Variants in RASGRF2 observed in about 807,000 individuals in gnomAD.
RASGRF2 encodes the protein Ras protein specific guanine nucleotide releasing factor 2, also known as ras-specific guanine nucleotide-releasing factor 2.
Under a neutral mutation model 151.0 loss-of-function variants are expected in RASGRF2, and 76 were observed. That is an observed-to-expected ratio of 0.50 (90% CI 0.42 to 0.61). The LOEUF is 0.61. Among genes scored for constraint, RASGRF2 ranks in the 20% least tolerant of loss-of-function variants. The probability of loss-of-function intolerance (pLI) is 0.00; values close to 1 mark genes in which losing one functional copy is unlikely to be tolerated. For synonymous variants in RASGRF2, 504 were observed against 566.5 expected (o/e 0.89, Z 1.57); for missense variants, 1,148 against 1,564.6 (o/e 0.73, Z 4.49).
At chr5:81,152,449 A>G (rs1287579015) in intron 17 of RASGRF2, among the ~76,000 whole-genome samples, 1 of 152,212 alleles carries the variant, frequency 6.6e-6, no homozygotes, top group Non-Finnish European at 1.5e-5. Context: ...AGAAAGAAGG[A>G]TATACAAATT....
chr5:81,092,833 G>A lies in RASGRF2; in HGVS notation c.1423G>A (p.Gly475Arg). The A allele has an allele frequency of 6.2e-7, 1 of 1,613,532 alleles. No individual in the cohort carries two copies. The highest frequency in any genetic ancestry group is 8.5e-7 in the Non-Finnish European group (1 of 1,179,608). Residue 475 changes from glycine (G) to arginine (R), a missense_variant, in exon 10 of 27, where the codon GGG becomes AGG. Physicochemically the swap from Gly to Arg is moderately radical, Grantham distance 125. This residue lies in a region of RASGRF2 where 646 missense variants were observed against 807.4 expected (regional missense o/e 0.80). Transcript: ENST00000265080. ...TATTCAAGTACCTTCCGTTGAGAGG[G>A]GGAAACTTAGTAAAGTTCGCCTGGG... ...SLIQVPSVERGKLSKVRLGSL... is the reference protein window; with the variant it reads ...SLIQVPSVERRKLSKVRLGSL...
At chr5:81,001,333 G>C (rs904504547) in intron 1 of RASGRF2, among the ~76,000 whole-genome samples, 3 of 152,130 alleles carry the variant, frequency 2.0e-5, no homozygotes, top group African/African-American at 7.2e-5. Context: ...CCTTTGTTAG[G>C]CTTCTTTGCT....
intron 1 of RASGRF2, among the ~76,000 whole-genome samples, chr5:81,016,392 T>G (rs1021499801): frequency 6.6e-6 from 1 of 152,230 alleles, no homozygotes; most frequent in Non-Finnish European, 1.5e-5. Flanking sequence ...ATTTTTATGA[T>G]AGGCTCTCAG....
chr5:81,035,817 G>A (rs1438945675), intron 1 of RASGRF2, among the ~76,000 whole-genome samples: 1 of 152,268 alleles, frequency 6.6e-6, no homozygotes. Flanking sequence ...CATCCTATGG[G>A]AGTTACAGAA....
At chr5:81,083,474 CT>C (rs1303906942) in intron 7 of RASGRF2, among the ~76,000 whole-genome samples, 1 of 152,032 alleles carries the variant, frequency 6.6e-6, no homozygotes, top group Admixed American at 6.6e-5. Context: ...CTTCTCGGCC[CT>C]TTTTTGAGTT....
At chr5:81,012,348 G>C (rs1348101945) in intron 1 of RASGRF2, among the ~76,000 whole-genome samples, 1 of 152,152 alleles carries the variant, frequency 6.6e-6, no homozygotes, top group Non-Finnish European at 1.5e-5. Context: ...GTACGTATCA[G>C]TAGTTATTTT....
intron 17 of RASGRF2, among the ~76,000 whole-genome samples, chr5:81,162,785 G>A (rs1220499928): frequency 6.6e-6 from 1 of 152,228 alleles, no homozygotes; most frequent in Non-Finnish European, 1.5e-5. Flanking sequence ...CCTGAGCACT[G>A]GGTGTTTGTC....
chr5:81,016,374 C>T (rs1749637454), intron 1 of RASGRF2, among the ~76,000 whole-genome samples: 2 of 152,184 alleles, frequency 1.3e-5, no homozygotes, highest in African/African-American at 4.8e-5. Context: ...GAAAGTTTCT[C>T]TGTCCAGATT....
At chr5:81,119,716 G>A (rs896135677) in intron 15 of RASGRF2, among the ~76,000 whole-genome samples, 3 of 152,176 alleles carry the variant, frequency 2.0e-5, no homozygotes, top group African/African-American at 7.2e-5. Context: ...CATGGCCTGG[G>A]GCCAGCAGAT....
At chr5:81,126,292 G>C (rs1753451467) in intron 16 of RASGRF2, among the ~76,000 whole-genome samples, 1 of 152,188 alleles carries the variant, frequency 6.6e-6, no homozygotes, top group Non-Finnish European at 1.5e-5. Context: ...GTACTGTTAA[G>C]GGTGTTCTGA....
chr5:80,967,828 A>G (rs905716599), intron 1 of RASGRF2, among the ~76,000 whole-genome samples: 1 of 152,224 alleles, frequency 6.6e-6, no homozygotes, highest in African/African-American at 2.4e-5. Flanking sequence ...TCATGACGAG[A>G]TAATGTCAGT....
At chr5:81,009,091 C>T (rs1017144214) in intron 1 of RASGRF2, among the ~76,000 whole-genome samples, 5 of 152,212 alleles carry the variant, frequency 3.3e-5, no homozygotes, top group African/African-American at 9.6e-5. Flanking sequence ...GCTGAGAGCA[C>T]ATGCCCTGAT....
At chr5:81,067,763 TG>T (rs1751650841) in intron 2 of RASGRF2, among the ~76,000 whole-genome samples, 1 of 152,244 alleles carries the variant, frequency 6.6e-6, no homozygotes, top group Admixed American at 6.5e-5. Context: ...CAATTTCTTT[TG>T]TACTTTTCCC....
intron 1 of RASGRF2, among the ~76,000 whole-genome samples, chr5:81,010,055 C>A (rs1335531658): frequency 6.6e-6 from 1 of 151,502 alleles, no homozygotes; most frequent in African/African-American, 2.4e-5. Flanking sequence ...ACTCGGGAAG[C>A]TGAGGCAGGA....
Position 81,227,895 on chromosome 5 carries a change from A to G in RASGRF2, c.*2125A>G, listed in dbSNP as rs1378622367. ...GTTCGGACTCATTTCTTTGACCCAA[A>G]TGTTCCAGAGACACTGCAGCCATTC... On this transcript the variant is annotated 3_prime_UTR_variant, in exon 27 of 27. Coordinates refer to ENST00000265080, the MANE Select transcript of RASGRF2 (RefSeq NM_006909.3). The G allele has an allele frequency of 6.6e-6, 1 of 152,144 alleles. No individual in the cohort carries two copies. The highest frequency in any genetic ancestry group is 1.5e-5 in the Non-Finnish European group (1 of 68,038). The allele number at this position is 152,144 out of a possible 1,614,324, so 9.4% of individuals were successfully genotyped here.
At chr5:81,142,387 T>C (rs1346401909) in intron 17 of RASGRF2, among the ~76,000 whole-genome samples, 4 of 152,186 alleles carry the variant, frequency 2.6e-5, no homozygotes, top group African/African-American at 9.6e-5. Flanking sequence ...TAAAAAGAAC[T>C]ATGCTCACTT....
At chr5:80,981,799 C>T (rs879563797) in intron 1 of RASGRF2, among the ~76,000 whole-genome samples, 1 of 152,098 alleles carries the variant, frequency 6.6e-6, no homozygotes, top group African/African-American at 2.4e-5. Context: ...CTCCTGGCCT[C>T]GAGTGATCCA....
rs544054964 is a variant in RASGRF2 at position 81,006,948 on chromosome 5, C to T, written c.289-35929C>T. ...TTGTCCCAGGCCATTGTATGTTCCT[C>T]GAGTCCATGGCATTCTCCTAAAAAT... On this transcript the variant is annotated intron_variant, in intron 1 of 26. Coordinates refer to ENST00000265080, the MANE Select transcript of RASGRF2 (RefSeq NM_006909.3). 3.3e-5 allele frequency among the ~76,000 whole-genome samples: 5 copies of T among 152,222 alleles called. No individual in the cohort carries two copies. The South Asian group carries it at 8.3e-4, about 25-fold the overall frequency.
intron 1 of RASGRF2, among the ~76,000 whole-genome samples, chr5:81,039,795 T>C (rs1422220864): frequency 6.6e-6 from 1 of 152,200 alleles, no homozygotes; most frequent in African/African-American, 2.4e-5. Flanking sequence ...ACAAATTGCT[T>C]ATATTTTTCC....
Sources: allele counts gnomAD v4.1 joint callset (sites outside exome capture counted in the v4.1 genomes callset), GRCh38; gene constraint gnomAD v4.1.1; regional missense constraint gnomAD v4.1.1; transcripts MANE v1.5; gene names NCBI Gene and HGNC (gene_info 2026-07-23, HGNC 2026-07-21).